The following TENM3 variants were observed in gnomAD, a reference collection of about 807,000 sequenced individuals.
TENM3 encodes teneurin-3.
A neutral mutation model predicts 255.1 loss-of-function variants in TENM3; 63 were observed. The ratio of observed to expected loss-of-function variants is 0.25; its 90% CI spans 0.20 to 0.30. TENM3 has a LOEUF of 0.30. Ranked by LOEUF, TENM3 falls within the 10% of genes least tolerant of loss-of-function variation. TENM3 has a pLI of 1.00. For synonymous variants in TENM3, 1,306 were observed against 1,322.3 expected, an observed-to-expected ratio of 0.99 and a Z score of 0.27; for missense variants, 2,929 against 3,461.1, an observed-to-expected ratio of 0.85 and a Z score of 3.86.
chr4:181,637,274 T>G, the TENM3 span, among the ~76,000 whole-genome samples: 2 of 152,238 alleles, frequency 1.3e-5, no homozygotes, highest in African/African-American at 2.4e-5. Context: ...TTCTTATTTA[T>G]GTGAGTGTTC....
At chr4:182,174,228 G>A (rs1183055574) in intron 1 of TENM3, among the ~76,000 whole-genome samples, 1 of 151,818 alleles carries the variant, frequency 6.6e-6, no homozygotes, top group East Asian at 1.9e-4. Context: ...GTCTCTAAGA[G>A]TAAGAATTAT....
chr4:181,494,646 A>G, the TENM3 span, among the ~76,000 whole-genome samples: 16 of 152,222 alleles, frequency 1.1e-4, no homozygotes, highest in Middle Eastern at 3.4e-3. Context: ...TACACGTAAA[A>G]TGTTTACCTC....
At chr4:182,725,235 C>T (rs1760070592) in intron 13 of TENM3, among the ~76,000 whole-genome samples, 1 of 151,932 alleles carries the variant, frequency 6.6e-6, no homozygotes, top group African/African-American at 2.4e-5. Flanking sequence ...GATAGGGTCT[C>T]GCTGTGTTAC....
intron 1 of TENM3, among the ~76,000 whole-genome samples, chr4:182,301,265 T>G (rs539322342): frequency 6.6e-6 from 1 of 152,200 alleles, no homozygotes; most frequent in South Asian, 2.1e-4. Context: ...CCCCTGAAAT[T>G]TTTTCCTTCT....
the TENM3 span, among the ~76,000 whole-genome samples, chr4:181,858,056 T>C: frequency 1.2e-4 from 19 of 152,312 alleles, no homozygotes; most frequent in African/African-American, 3.1e-4. Flanking sequence ...TATTTTTAAG[T>C]GTTTAAATAA....
chr4:181,730,786 ATGTGGC>A, the TENM3 span, among the ~76,000 whole-genome samples: 3 of 152,334 alleles, frequency 2.0e-5, no homozygotes, highest in African/African-American at 7.2e-5. Context: ...TGACTTCTCC[ATGTGGC>A]TAATGCAGCT....
chr4:182,659,713 T>C (rs1026250950), intron 6 of TENM3, among the ~76,000 whole-genome samples: 1 of 152,206 alleles, frequency 6.6e-6, no homozygotes, highest in African/African-American at 2.4e-5. Flanking sequence ...ATCTGCGCTG[T>C]ATGTCTCCAG....
chr4:181,460,607 C>A, the TENM3 span, among the ~76,000 whole-genome samples: 67 of 149,070 alleles, frequency 4.5e-4, no homozygotes, highest in Non-Finnish European at 7.6e-4. Flanking sequence ...TTTTTTTCTG[C>A]ATTAATTTGA....
the TENM3 span, among the ~76,000 whole-genome samples, chr4:181,652,937 A>T: frequency 6.6e-6 from 1 of 152,180 alleles, no homozygotes; most frequent in African/African-American, 2.4e-5. Context: ...CTTTTGTGAA[A>T]TTTTTTTAAA....
At chr4:182,501,211 G>A (rs528285851) in intron 3 of TENM3, among the ~76,000 whole-genome samples, 58 of 152,090 alleles carry the variant, frequency 3.8e-4, no homozygotes, top group Admixed American at 1.2e-3. Context: ...GTTCAACAGC[G>A]GCACCTTCTG....
At chr4:181,680,647 A>G in the TENM3 span, among the ~76,000 whole-genome samples, 1 of 152,274 alleles carries the variant, frequency 6.6e-6, no homozygotes, top group South Asian at 2.1e-4. Context: ...TCTAGAGAGT[A>G]AAGGTATCAT....
intron 1 of TENM3, among the ~76,000 whole-genome samples, chr4:182,217,415 T>C (rs1342941175): frequency 6.6e-6 from 1 of 152,194 alleles, no homozygotes; most frequent in East Asian, 1.9e-4. Context: ...CTGATGTTTA[T>C]ATCAAATAGG....
chr4:182,318,126 T>G (rs1324209565), intron 1 of TENM3, among the ~76,000 whole-genome samples: 1 of 152,180 alleles, frequency 6.6e-6, no homozygotes, highest in Admixed American at 6.5e-5. Flanking sequence ...TATAGAGATA[T>G]CCAAGGTAAC....
the TENM3 span, among the ~76,000 whole-genome samples, chr4:182,104,604 C>T: frequency 1.7e-4 from 25 of 149,528 alleles, no homozygotes; most frequent in Non-Finnish European, 2.5e-4. Flanking sequence ...TTCTGCCTCC[C>T]GGGTTCAAGG....
the TENM3 span, among the ~76,000 whole-genome samples, chr4:181,759,231 TTAAA>T: frequency 6.6e-6 from 1 of 152,044 alleles, no homozygotes; most frequent in Non-Finnish European, 1.5e-5. Context: ...GTATATAATA[TTAAA>T]TAGTTTATTA....
At chr4:181,779,883 C>T in the TENM3 span, among the ~76,000 whole-genome samples, 3 of 152,042 alleles carry the variant, frequency 2.0e-5, no homozygotes, top group Admixed American at 6.6e-5. Context: ...TGAGAACATG[C>T]AGTGTTTGGT....
chr4:181,557,952 T>A, the TENM3 span, among the ~76,000 whole-genome samples: 1 of 152,232 alleles, frequency 6.6e-6, no homozygotes, highest in South Asian at 2.1e-4. Context: ...TATCGAAGCC[T>A]AAAGTGTTAC....
Position 182,449,132 on chromosome 4 carries a change from G to A in TENM3, c.511+102203G>A, listed in dbSNP as rs1383608966. ...GCGGCCTGGGGCGGGCTGGCGGAGC[G>A]CGGCTCCCGGTGAGGCTCCCCGCGC... On this transcript the variant is annotated intron_variant, in intron 3 of 27. Transcript: ENST00000511685. The A allele has an allele frequency of 2.4e-5, 5 of 208,932 alleles. 1 individual carries two copies. Among genetic ancestry groups the A allele is most frequent in the African/African-American group, 1.2e-4 (5 of 41,442 alleles). 12.9% of individuals were successfully genotyped at this position (208,932 alleles called of 1,614,324 possible). A position where few individuals can be genotyped will look rare whatever the true frequency, so the allele number is the denominator to read the frequency against.
chr4:181,833,829 C>A, the TENM3 span, among the ~76,000 whole-genome samples: 1,048 of 152,166 alleles, frequency 6.9e-3, 8 homozygotes, highest in Middle Eastern at 0.024. Flanking sequence ...TCTCTGTAGC[C>A]TGTTGGCTTC....
Sources: allele counts gnomAD v4.1 joint callset (sites outside exome capture counted in the v4.1 genomes callset), GRCh38; gene constraint gnomAD v4.1.1; transcripts MANE v1.5; gene names NCBI Gene and HGNC (gene_info 2026-07-23, HGNC 2026-07-21).